The following BBOX1 variants were observed in gnomAD, a reference collection of about 807,000 sequenced individuals.
BBOX1 encodes gamma-butyrobetaine dioxygenase.
Under a neutral mutation model 41.6 loss-of-function variants are expected in BBOX1, and 35 were observed. That is an observed-to-expected ratio of 0.84 (90% CI 0.64 to 1.11). The LOEUF (loss-of-function observed/expected upper bound fraction) is 1.11, where lower values mean the gene tolerates loss of function less well. Among genes scored for constraint, BBOX1 ranks in the 50% most tolerant of loss-of-function variants. BBOX1 has a pLI of 0.00. For missense variants in BBOX1, 458 were observed against 460.6 expected, an observed-to-expected ratio of 0.99 and a Z score of 0.05; for synonymous variants, 163 against 154.7, an observed-to-expected ratio of 1.05 and a Z score of -0.40.
intron 4 of BBOX1, chr11:27,066,497 A>T (rs1469428216): frequency 6.6e-6 from 1 of 152,126 alleles, no homozygotes; most frequent in Non-Finnish European, 1.5e-5. Flanking sequence ...ATTACCTCTC[A>T]CTTCTGGTTC....
In BBOX1 at chr11:27,127,149, G is replaced by A. The variant is rs1859694500; in HGVS notation, c.1004-144G>A. Reference sequence around the variant, plus strand: ...CCAGTGGCCTGATTTGTGTGGAAAAGTAAATGTGCAGTTTCATGTAAAGAA... The same window carrying A: ...CCAGTGGCCTGATTTGTGTGGAAAAATAAATGTGCAGTTTCATGTAAAGAA... On this transcript the variant is annotated intron_variant, in intron 8 of 8. Transcript: ENST00000263182. 4.3e-6 allele frequency: 4 copies of A among 920,988 alleles called. No homozygotes were observed. In the Admixed American group the frequency reaches 1.1e-4, roughly 25 times the overall value. 57.1% of individuals were successfully genotyped at this position (920,988 alleles called of 1,614,324 possible).
At chr11:27,048,845 C>CA (rs1851575769) in intron 2 of BBOX1, among the ~76,000 whole-genome samples, 1 of 149,794 alleles carries the variant, frequency 6.7e-6, no homozygotes, top group Non-Finnish European at 1.5e-5. Context: ...GCGCTGCACC[C>CA]ACTAACTCGT....
intron 5 of BBOX1, among the ~76,000 whole-genome samples, chr11:27,110,632 T>G (rs1042008339): frequency 1.3e-5 from 2 of 152,092 alleles, no homozygotes; most frequent in East Asian, 1.9e-4. Flanking sequence ...ATGCCACCTA[T>G]TCATAGAGCA....
At chr11:27,111,901 A>G (rs1161601872) in intron 5 of BBOX1, among the ~76,000 whole-genome samples, 2 of 151,938 alleles carry the variant, frequency 1.3e-5, no homozygotes, top group Non-Finnish European at 1.5e-5. Context: ...TTGGTATTTC[A>G]TTGTTTGAAA....
Position 27,057,247 on chromosome 11 carries a change from A to T in BBOX1, c.266A>T (p.Asp89Val), listed in dbSNP as rs541095865. 2 of 1,612,348 alleles carry T rather than the reference A, an allele frequency of 1.2e-6. No individual in the cohort carries two copies. Among genetic ancestry groups the T allele is most frequent in the African/African-American group, 2.7e-5 (2 of 74,928 alleles). Residue 89 changes from aspartate (D) to valine (V), a missense_variant, in exon 4 of 9, where the codon GAT becomes GTT. Physicochemically the swap from Asp to Val is radical, Grantham distance 152. Coordinates refer to ENST00000263182, the MANE Select transcript of BBOX1 (RefSeq NM_003986.3). ...GAGCATTACAGTGAATTCCAGGCTG[A>T]TTGGCTGAAGAAAAGATGCTTTTCC... ...PDEHYSEFQA[D>V]WLKKRCFSKQ...
At chr11:27,090,771 T>TA (rs1858215823) in intron 4 of BBOX1, among the ~76,000 whole-genome samples, 1 of 151,808 alleles carries the variant, frequency 6.6e-6, no homozygotes, top group African/African-American at 2.4e-5. Context: ...CTCAAACACA[T>TA]AAAACAGACA....
intron 4 of BBOX1, among the ~76,000 whole-genome samples, chr11:27,083,338 G>GGTCA (rs757411001): frequency 2.0e-4 from 31 of 152,082 alleles, no homozygotes; most frequent in Non-Finnish European, 4.0e-4. Flanking sequence ...GATCCTCATA[G>GGTCA]GTCATGAAGA....
At chr11:27,103,251 T>C (rs1858730659) in intron 5 of BBOX1, among the ~76,000 whole-genome samples, 1 of 152,212 alleles carries the variant, frequency 6.6e-6, no homozygotes, top group South Asian at 2.1e-4. Context: ...TAAAGTCTAG[T>C]AATTTCATAG....
chr11:27,090,250 C>A (rs1858197038), intron 4 of BBOX1, among the ~76,000 whole-genome samples: 1 of 151,860 alleles, frequency 6.6e-6, no homozygotes, highest in Non-Finnish European at 1.5e-5. Flanking sequence ...TTTCTATTTT[C>A]CATAAGTGTC....
intron 4 of BBOX1, among the ~76,000 whole-genome samples, chr11:27,058,416 G>T (rs561206854): frequency 1.3e-5 from 2 of 152,306 alleles, no homozygotes; most frequent in African/African-American, 4.8e-5. Flanking sequence ...TGAGAAGTGA[G>T]GCATTGCTAT....
intron 4 of BBOX1, 149 bp from the exon 5 acceptor site, chr11:27,093,019 G>A: frequency 1.3e-6 from 1 of 775,484 alleles, no homozygotes; most frequent in Admixed American, 2.8e-5. Context: ...AAGGCCTAGT[G>A]ACTTGGGCAT....
intron 4 of BBOX1, among the ~76,000 whole-genome samples, chr11:27,062,829 G>C (rs1857170493): frequency 6.6e-6 from 1 of 152,160 alleles, no homozygotes; most frequent in Non-Finnish European, 1.5e-5. Context: ...CCAAAGTGCT[G>C]GGATTGCAGG....
At chr11:27,055,955 A>G (rs907350040) in intron 3 of BBOX1, among the ~76,000 whole-genome samples, 1 of 152,168 alleles carries the variant, frequency 6.6e-6, no homozygotes, top group Non-Finnish European at 1.5e-5. Context: ...TCTCAAAACT[A>G]CAAACCAGAG....
At chr11:27,097,477 T>C (rs945679938) in intron 5 of BBOX1, among the ~76,000 whole-genome samples, 1 of 152,082 alleles carries the variant, frequency 6.6e-6, no homozygotes, top group Non-Finnish European at 1.5e-5. Flanking sequence ...TGAATACTAA[T>C]AATACGTGCA....
chr11:27,080,698 CCTT>C (rs771400678), intron 4 of BBOX1, among the ~76,000 whole-genome samples: 4 of 152,082 alleles, frequency 2.6e-5, no homozygotes, highest in Non-Finnish European at 5.9e-5. Flanking sequence ...TCTTCTGAGT[CCTT>C]CTGTCTTTTC....
At chr11:27,104,849 G>A (rs752219166) in intron 5 of BBOX1, among the ~76,000 whole-genome samples, 53 of 152,274 alleles carry the variant, frequency 3.5e-4, no homozygotes, top group Non-Finnish European at 7.1e-4. Context: ...CCCATTAGGG[G>A]CAGACTGACA....
At chr11:27,108,620 A>G (rs561471975) in intron 5 of BBOX1, among the ~76,000 whole-genome samples, 4 of 152,172 alleles carry the variant, frequency 2.6e-5, no homozygotes, top group Admixed American at 6.6e-5. Context: ...TGTCTGACAC[A>G]TATTTGAAAT....
Position 27,127,617 on chromosome 11 carries a change from G to C in BBOX1, c.*164G>C. 1.2e-6 allele frequency: 1 copy of C among 800,096 alleles called. No individual in the cohort carries two copies. Among genetic ancestry groups the C allele is most frequent in the Non-Finnish European group, 1.9e-6 (1 of 538,762 alleles). The allele number at this position is 800,096 out of a possible 1,614,324, so 49.6% of individuals were successfully genotyped here. ...TCTTTACTTTGTAATCATATACAAT[G>C]TCAACTTTTTAGATGTTTCACCACT... On this transcript the variant is annotated 3_prime_UTR_variant, in exon 9 of 9. Transcript: ENST00000263182.
At chr11:27,066,198 GT>G (rs1276513071) in intron 4 of BBOX1, among the ~76,000 whole-genome samples, 2 of 152,022 alleles carry the variant, frequency 1.3e-5, no homozygotes, top group African/African-American at 4.8e-5. Flanking sequence ...GCTTTTTTGT[GT>G]TTTTGTGTGT....
Sources: allele counts gnomAD v4.1 joint callset (sites outside exome capture counted in the v4.1 genomes callset), GRCh38; gene constraint gnomAD v4.1.1; transcripts MANE v1.5; gene names NCBI Gene and HGNC (gene_info 2026-07-23, HGNC 2026-07-21).